MAGI1: variants seen among roughly 807,000 people sequenced by gnomAD.
The protein encoded by MAGI1 is membrane associated guanylate kinase, WW and PDZ domain containing 1.
MAGI1 carries 58 observed loss-of-function variants against 139.9 expected under a neutral mutation model. The observed-to-expected ratio is 0.41, with a 90% confidence interval of 0.34 to 0.52. MAGI1 has a LOEUF of 0.52. Among genes scored for constraint, MAGI1 ranks in the 20% least tolerant of loss-of-function variants. The pLI is 0.12. For missense variants in MAGI1, 1,874 were observed against 1,901.6 expected (o/e 0.99, Z 0.27); for synonymous variants, 812 against 737.9 (o/e 1.10, Z -1.63).
At chr3:65,668,205 A>G (rs1470956210) in intron 1 of MAGI1, among the ~76,000 whole-genome samples, 3 of 152,156 alleles carry the variant, frequency 2.0e-5, no homozygotes, top group African/African-American at 7.2e-5. Flanking sequence ...ACTACACCAG[A>G]AGGGTTGACG....
intron 1 of MAGI1, among the ~76,000 whole-genome samples, chr3:65,825,759 G>A (rs966758635): frequency 1.3e-5 from 2 of 152,188 alleles, no homozygotes; most frequent in African/African-American, 4.8e-5. Flanking sequence ...GGAGGCCAAG[G>A]CAGGCAGATC....
intron 2 of MAGI1, among the ~76,000 whole-genome samples, chr3:65,503,672 C>T (rs1365379516): frequency 2.0e-5 from 3 of 152,176 alleles, no homozygotes; most frequent in Non-Finnish European, 1.5e-5. Flanking sequence ...ATTGGAATCT[C>T]GTTTTAAAAA....
At chr3:65,610,284 A>C (rs2082982207) in intron 2 of MAGI1, among the ~76,000 whole-genome samples, 1 of 152,154 alleles carries the variant, frequency 6.6e-6, no homozygotes, top group Non-Finnish European at 1.5e-5. Flanking sequence ...AACATCAAAC[A>C]AAAAAGTTAA....
intron 2 of MAGI1, among the ~76,000 whole-genome samples, chr3:65,517,316 G>A (rs1195863120): frequency 1.3e-5 from 2 of 152,012 alleles, no homozygotes; most frequent in East Asian, 3.9e-4. Flanking sequence ...CACCTTCTTG[G>A]TAAAGAGCTT....
chr3:65,694,926 G>C (rs1478200152), intron 1 of MAGI1, among the ~76,000 whole-genome samples: 1 of 151,802 alleles, frequency 6.6e-6, no homozygotes, highest in African/African-American at 2.4e-5. Flanking sequence ...TACTTTTTTT[G>C]TGTGTATGTA....
At chr3:65,421,462 T>C (rs952054554) in intron 12 of MAGI1, among the ~76,000 whole-genome samples, 2 of 152,142 alleles carry the variant, frequency 1.3e-5, no homozygotes, top group African/African-American at 2.4e-5. Flanking sequence ...GTCAATGAGT[T>C]TGAGATACTG....
intron 13 of MAGI1, among the ~76,000 whole-genome samples, chr3:65,400,714 C>T (rs1191409563): frequency 7.3e-6 from 1 of 136,064 alleles, no homozygotes; most frequent in Non-Finnish European, 1.5e-5. Context: ...AATGCATCTT[C>T]AGGGAAACCA....
chr3:65,889,936 T>C (rs746212887), intron 1 of MAGI1, among the ~76,000 whole-genome samples: 2 of 152,202 alleles, frequency 1.3e-5, no homozygotes, highest in Non-Finnish European at 2.9e-5. Flanking sequence ...CACTGCAGTG[T>C]TCCTTATAAA....
intron 1 of MAGI1, among the ~76,000 whole-genome samples, chr3:65,883,410 T>C (rs1353641864): frequency 6.6e-6 from 1 of 152,068 alleles, no homozygotes; most frequent in African/African-American, 2.4e-5. Context: ...AACAAGAATA[T>C]ATATTTTATA....
At chr3:65,738,338 A>C (rs1229038965) in intron 1 of MAGI1, among the ~76,000 whole-genome samples, 1 of 152,186 alleles carries the variant, frequency 6.6e-6, no homozygotes, top group African/African-American at 2.4e-5. Context: ...CCCCAAGCCA[A>C]TTTAAAAAAA....
chr3:65,355,502 C>A lies in MAGI1; in HGVS notation c.*876G>T, dbSNP rs1445206879. 3.3e-5 allele frequency: 5 copies of A among 152,376 alleles called. No homozygotes were observed. The highest frequency in any genetic ancestry group is 7.3e-5 in the Non-Finnish European group (5 of 68,070). 9.4% of individuals were successfully genotyped at this position (152,376 alleles called of 1,614,324 possible). ...CCTCACACCAGGCACACTGTCCCCC[C>A]ATTCCATCTACTATTCAGCCTCCAA... On this transcript the variant is annotated 3_prime_UTR_variant, in exon 23 of 23. Coordinates refer to ENST00000402939, the MANE Select transcript of MAGI1 (RefSeq NM_001033057.2).
rs758265316 is a variant in MAGI1 at position 65,478,554 on chromosome 3, C to A, written c.757+38G>T. The stretch of plus-strand genomic sequence containing the variant: ...TGCAAAAGCCTCCTCGTCATCCCTT[C>A]CCCAGGTCCATTGAGGGCAACATGA... On this transcript the variant is annotated intron_variant, in intron 4 of 22. Transcript: ENST00000402939. 17 of 1,583,126 alleles carry A rather than the reference C, an allele frequency of 1.1e-5. No homozygotes were observed. The Admixed American group carries it at 2.7e-4, about 25-fold the overall frequency.
intron 1 of MAGI1, among the ~76,000 whole-genome samples, chr3:65,722,471 C>CAAA (rs113723642): frequency 6.9e-6 from 1 of 144,880 alleles, no homozygotes; most frequent in African/African-American, 2.5e-5. Flanking sequence ...TTGTCTCTGC[C>CAAA]AAAAAAAAAA....
chr3:65,980,271 A>G (rs1485637792), intron 1 of MAGI1, among the ~76,000 whole-genome samples: 3 of 152,294 alleles, frequency 2.0e-5, no homozygotes, highest in Admixed American at 2.0e-4. Context: ...ATGAAAAATA[A>G]ACAGGTAATG....
chr3:66,002,455 T>C (rs2107451871), intron 1 of MAGI1, among the ~76,000 whole-genome samples: 1 of 152,242 alleles, frequency 6.6e-6, no homozygotes, highest in East Asian at 1.9e-4. Flanking sequence ...AAGATCTCTG[T>C]CTTTTCTGAA....
chr3:65,923,948 G>A (rs1397488507), intron 1 of MAGI1, among the ~76,000 whole-genome samples: 1 of 152,194 alleles, frequency 6.6e-6, no homozygotes, highest in Non-Finnish European at 1.5e-5. Flanking sequence ...TATATTAAGA[G>A]TAATATTAAC....
At chr3:65,594,002 T>A (rs115929007) in intron 2 of MAGI1, among the ~76,000 whole-genome samples, 1 of 152,334 alleles carries the variant, frequency 6.6e-6, no homozygotes, top group African/African-American at 2.4e-5. Flanking sequence ...TTTACTCTCA[T>A]GCCTCAGATC....
At chr3:65,385,758 A>C (rs151336561) in intron 14 of MAGI1, among the ~76,000 whole-genome samples, 21 of 152,348 alleles carry the variant, frequency 1.4e-4, no homozygotes, top group African/African-American at 4.6e-4. Flanking sequence ...AAACACCCAG[A>C]ACATGGAGCT....
chr3:65,460,520 A>G (rs1949704327), intron 5 of MAGI1, among the ~76,000 whole-genome samples: 1 of 151,914 alleles, frequency 6.6e-6, no homozygotes, highest in Non-Finnish European at 1.5e-5. Context: ...AAGCCTGGGA[A>G]TACTACTTGC....
Sources: gnomAD v4.1 joint callset for allele counts (sites outside exome capture counted in the v4.1 genomes callset) on GRCh38, gnomAD v4.1.1 for gene constraint, MANE v1.5 for transcripts, NCBI Gene and HGNC (gene_info 2026-07-23, HGNC 2026-07-21) for gene names.